Variants in RAPGEF2 observed in about 807,000 individuals in gnomAD.
The protein encoded by RAPGEF2 is Rap guanine nucleotide exchange factor 2.
In RAPGEF2, 54 loss-of-function variants were observed where a neutral mutation model predicts 186.7. The ratio of observed to expected loss-of-function variants is 0.29; its 90% CI spans 0.23 to 0.36. The LOEUF is 0.36. RAPGEF2 is among the 10% of genes least tolerant of loss of function. The probability of loss-of-function intolerance (pLI) is 1.00; values close to 1 mark genes in which losing one functional copy is unlikely to be tolerated. For synonymous variants in RAPGEF2, 712 were observed against 705.9 expected (o/e 1.01, Z -0.14); for missense variants, 1,532 against 2,045.0 (o/e 0.75, Z 4.84).
At chr4:159,256,923 G>A (rs568167126) in intron 7 of RAPGEF2, among the ~76,000 whole-genome samples, 3 of 151,588 alleles carry the variant, frequency 2.0e-5, no homozygotes, top group African/African-American at 4.8e-5. Context: ...TTTGTTTCTC[G>A]TAGACTCTGG....
At chr4:159,278,739 C>G (rs915552448) in intron 7 of RAPGEF2, among the ~76,000 whole-genome samples, 1 of 152,196 alleles carries the variant, frequency 6.6e-6, no homozygotes, top group Admixed American at 6.5e-5. Flanking sequence ...CTGTGTGACC[C>G]TGGCTGTGTG....
chr4:159,323,063 A>G (rs1765447192), intron 10 of RAPGEF2, among the ~76,000 whole-genome samples: 1 of 152,216 alleles, frequency 6.6e-6, no homozygotes, highest in African/African-American at 2.4e-5. Flanking sequence ...TTTTTGATAT[A>G]TTAACTTTTC....
intron 7 of RAPGEF2, among the ~76,000 whole-genome samples, chr4:159,295,939 T>G (rs923138252): frequency 6.6e-5 from 10 of 152,142 alleles, no homozygotes; most frequent in Admixed American, 5.9e-4. Flanking sequence ...GGATGTATTT[T>G]TCCATAAGGA....
Position 159,341,939 on chromosome 4 carries a change from A to G in RAPGEF2, c.2910A>G (p.Ala970=). The G allele has an allele frequency of 6.3e-7, 1 of 1,591,104 alleles. No individual in the cohort carries two copies. ...GCAAGAATTTTAACTCAATGTTTGC[A>G]ATCATCAGGTAAGAGAGCACATTTT... ...RECKNFNSMF[A]IISGLNLAPV... The change falls in exon 20 of 30, where the codon GCA becomes GCG. Residue 970 remains alanine, a synonymous_variant. Transcript: ENST00000691494.
At chr4:159,301,230 G>A (rs369493026) in intron 7 of RAPGEF2, among the ~76,000 whole-genome samples, 263 of 152,062 alleles carry the variant, frequency 1.7e-3, no homozygotes, top group African/African-American at 5.8e-3. Context: ...AAAATTAGCC[G>A]GGGTCGTGGG....
intron 7 of RAPGEF2, among the ~76,000 whole-genome samples, chr4:159,268,885 A>G (rs1025097547): frequency 2.0e-5 from 3 of 152,180 alleles, no homozygotes; most frequent in Non-Finnish European, 4.4e-5. Flanking sequence ...TCATGGTGCT[A>G]CTTTTATATC....
At chr4:159,254,261 G>A (rs924096185) in intron 7 of RAPGEF2, among the ~76,000 whole-genome samples, 2 of 152,164 alleles carry the variant, frequency 1.3e-5, no homozygotes, top group Non-Finnish European at 2.9e-5. Flanking sequence ...CCAGTGTCTT[G>A]ATATATCCTA....
intron 2 of RAPGEF2, among the ~76,000 whole-genome samples, chr4:159,187,079 C>G (rs1326665045): frequency 1.3e-5 from 2 of 152,172 alleles, no homozygotes; most frequent in Non-Finnish European, 2.9e-5. Flanking sequence ...CTGTAGTCAA[C>G]AAGTAGGCTT....
At chr4:159,188,864 G>A (rs1046570832) in intron 2 of RAPGEF2, among the ~76,000 whole-genome samples, 2 of 152,132 alleles carry the variant, frequency 1.3e-5, no homozygotes, top group African/African-American at 4.8e-5. Flanking sequence ...AGATGTGTTT[G>A]TTGGCATGAA....
intron 1 of RAPGEF2, among the ~76,000 whole-genome samples, chr4:159,167,398 G>T (rs1459655744): frequency 6.6e-6 from 1 of 152,178 alleles, no homozygotes; most frequent in Non-Finnish European, 1.5e-5. Flanking sequence ...GTAAAGATAG[G>T]CTGAGAATAG....
At chr4:159,206,229 C>T (rs566911482) in intron 3 of RAPGEF2, among the ~76,000 whole-genome samples, 18 of 152,306 alleles carry the variant, frequency 1.2e-4, no homozygotes, top group South Asian at 4.1e-4. Context: ...CGCGCCCAGC[C>T]GCGCAGGATC....
intron 17 of RAPGEF2, among the ~76,000 whole-genome samples, chr4:159,337,340 C>T (rs1051699035): frequency 2.0e-4 from 30 of 152,056 alleles, no homozygotes; most frequent in African/African-American, 7.0e-4. Flanking sequence ...TCTAAAACAT[C>T]GAGAATAAAA....
intron 4 of RAPGEF2, among the ~76,000 whole-genome samples, chr4:159,233,945 G>A (rs28539541): frequency 0.05 from 3,967 of 79,942 alleles, 180 homozygotes; most frequent in African/African-American, 0.11. Context: ...ATTGGGAAGC[G>A]TGAGTCCTCA....
chr4:159,167,229 A>G (rs1745420822), intron 1 of RAPGEF2, among the ~76,000 whole-genome samples: 1 of 152,240 alleles, frequency 6.6e-6, no homozygotes, highest in African/African-American at 2.4e-5. Flanking sequence ...TGCAGGCACC[A>G]GAAGTAGAGA....
At chr4:159,252,245 T>C (rs1755539124) in intron 7 of RAPGEF2, among the ~76,000 whole-genome samples, 1 of 152,196 alleles carries the variant, frequency 6.6e-6, no homozygotes, top group South Asian at 2.1e-4. Context: ...GGACAGGGTT[T>C]CGCCATATTG....
Position 159,103,098 on chromosome 4 carries a change from C to G in RAPGEF2, c.-1065C>G, listed in dbSNP as rs1473353815. On this transcript the variant is annotated 5_prime_UTR_variant, in exon 1 of 30. Coordinates refer to ENST00000691494, the MANE Select transcript of RAPGEF2 (RefSeq NM_001394067.2). ...CTCCCTGAGGAGCGGCTCCGGCGGC[C>G]GGAGAAGGCGCAGGAGGAGGAAGAG... 1 of 152,430 alleles carries G rather than the reference C, an allele frequency of 6.6e-6. No homozygotes were observed. Among genetic ancestry groups the G allele is most frequent in the African/African-American group, 2.4e-5 (1 of 41,406 alleles). 9.4% of individuals were successfully genotyped at this position (152,430 alleles called of 1,614,324 possible).
At chr4:159,126,051 A>G (rs1740266447) in intron 1 of RAPGEF2, among the ~76,000 whole-genome samples, 2 of 152,306 alleles carry the variant, frequency 1.3e-5, no homozygotes, top group South Asian at 4.1e-4. Flanking sequence ...CAATGTTGCT[A>G]GTGTTTATTC....
chr4:159,281,608 T>G (rs551870810), intron 7 of RAPGEF2, among the ~76,000 whole-genome samples: 44 of 149,162 alleles, frequency 2.9e-4, no homozygotes, highest in African/African-American at 9.9e-4. Context: ...GAGGCGGAGG[T>G]TGCAATGAGC....
chr4:159,344,108 A>G (rs768445077), intron 23 of RAPGEF2, 49 bp downstream of exon 23: 4 of 1,514,860 alleles, frequency 2.6e-6, no homozygotes, highest in South Asian at 2.3e-5. Context: ...TATTCTGCTC[A>G]TTGCATTGTT....
Sources: gnomAD v4.1 joint callset for allele counts (sites outside exome capture counted in the v4.1 genomes callset) on GRCh38, gnomAD v4.1.1 for gene constraint, MANE v1.5 for transcripts, NCBI Gene and HGNC (gene_info 2026-07-23, HGNC 2026-07-21) for gene names.